Variants in DLC1 observed in about 807,000 individuals in gnomAD.
DLC1 encodes the protein DLC1 Rho GTPase activating protein.
Under a neutral mutation model 140.3 loss-of-function variants are expected in DLC1, and 54 were observed. The observed-to-expected ratio is 0.38, with a 90% CI of 0.31 to 0.48. DLC1 has a LOEUF of 0.48. Among genes scored for constraint, DLC1 ranks in the 20% least tolerant of loss-of-function variants. DLC1 has a pLI of 0.96. For synonymous variants in DLC1, 986 were observed against 728.1 expected (o/e 1.35, Z -5.70); for missense variants, 2,536 against 1,907.0 (o/e 1.33, Z -6.14).
chr8:13,549,579 A>C (rs1803775794), intron 1 of DLC1, among the ~76,000 whole-genome samples: 2 of 152,156 alleles, frequency 1.3e-5, no homozygotes, highest in South Asian at 4.1e-4. Flanking sequence ...TGACACAACG[A>C]ATCCAAAAAA....
intron 5 of DLC1, among the ~76,000 whole-genome samples, chr8:13,218,131 G>T (rs1300641195): frequency 6.6e-6 from 1 of 152,060 alleles, no homozygotes; most frequent in Non-Finnish European, 1.5e-5. Flanking sequence ...AAAATCAATG[G>T]GTGATGGAAA....
At chr8:13,488,847 C>T (rs1192055588) in intron 2 of DLC1, among the ~76,000 whole-genome samples, 1 of 152,180 alleles carries the variant, frequency 6.6e-6, no homozygotes, top group African/African-American at 2.4e-5. Flanking sequence ...CACATATATG[C>T]TTATTCATAT....
At chr8:13,593,145 T>G (rs1326102519) in intron 1 of DLC1, among the ~76,000 whole-genome samples, 1 of 152,110 alleles carries the variant, frequency 6.6e-6, no homozygotes, top group Non-Finnish European at 1.5e-5. Flanking sequence ...GTTGATAATT[T>G]TAATAAGAGC....
intron 5 of DLC1, among the ~76,000 whole-genome samples, chr8:13,199,859 G>C (rs192971637): frequency 6.0e-4 from 91 of 152,178 alleles, no homozygotes; most frequent in Non-Finnish European, 1.0e-3. Flanking sequence ...TATGATGCTT[G>C]GTTTCACGAA....
intron 4 of DLC1, chr8:13,340,209 T>A (rs1833978973): frequency 6.6e-6 from 1 of 152,248 alleles, no homozygotes. Flanking sequence ...TTTTTATTTT[T>A]ATTTTTTTTG....
chr8:13,140,736 T>G (rs936757592), intron 5 of DLC1, among the ~76,000 whole-genome samples: 6 of 152,178 alleles, frequency 3.9e-5, no homozygotes, highest in Non-Finnish European at 8.8e-5. Context: ...TTCTTTTCAA[T>G]TATTAACTAG....
chr8:13,296,968 C>T (rs902808228), intron 5 of DLC1, among the ~76,000 whole-genome samples: 1 of 151,840 alleles, frequency 6.6e-6, no homozygotes, highest in Non-Finnish European at 1.5e-5. Context: ...TCTGGTAATA[C>T]AGTAGATTTG....
intron 5 of DLC1, among the ~76,000 whole-genome samples, chr8:13,150,513 C>T (rs185473666): frequency 1.3e-5 from 2 of 152,226 alleles, no homozygotes; most frequent in East Asian, 1.9e-4. Flanking sequence ...CTGGTACAGA[C>T]AGGGATTGTG....
At chr8:13,319,819 C>CT (rs547737556) in intron 4 of DLC1, among the ~76,000 whole-genome samples, 4,121 of 75,226 alleles carry the variant, frequency 0.055, 429 homozygotes, top group Middle Eastern at 0.13. Flanking sequence ...TTCTCTCTCT[C>CT]TCTTTTTTTT....
chr8:13,121,523 T>A (rs539133899), intron 5 of DLC1, among the ~76,000 whole-genome samples: 7 of 152,298 alleles, frequency 4.6e-5, no homozygotes, highest in Admixed American at 2.0e-4. Context: ...GCCCTGGATG[T>A]AGGCAGGCAT....
intron 5 of DLC1, among the ~76,000 whole-genome samples, chr8:13,232,965 T>C (rs1829116062): frequency 6.6e-6 from 1 of 152,164 alleles, no homozygotes; most frequent in Non-Finnish European, 1.5e-5. Flanking sequence ...AATAATGAAA[T>C]ATTGAACAAA....
intron 5 of DLC1, among the ~76,000 whole-genome samples, chr8:13,141,717 G>A (rs997343090): frequency 6.6e-6 from 1 of 152,200 alleles, no homozygotes; most frequent in African/African-American, 2.4e-5. Flanking sequence ...CACAGCTCCA[G>A]ATCATTAACT....
At chr8:13,250,435 T>G (rs1002498578) in intron 5 of DLC1, among the ~76,000 whole-genome samples, 8 of 152,206 alleles carry the variant, frequency 5.3e-5, no homozygotes, top group African/African-American at 1.7e-4. Flanking sequence ...CCTAGACTGA[T>G]AAAATTTATA....
At chr8:13,407,313 T>A (rs1017244677) in intron 2 of DLC1, among the ~76,000 whole-genome samples, 1 of 152,178 alleles carries the variant, frequency 6.6e-6, no homozygotes, top group Non-Finnish European at 1.5e-5. Flanking sequence ...TCTGTGAGGC[T>A]TAAACAACAG....
At chr8:13,291,007 C>G (rs758334548) in intron 5 of DLC1, among the ~76,000 whole-genome samples, 3 of 152,190 alleles carry the variant, frequency 2.0e-5, no homozygotes, top group Non-Finnish European at 4.4e-5. Flanking sequence ...CTCCCGGGTT[C>G]AAGGATTCTC....
intron 1 of DLC1, among the ~76,000 whole-genome samples, chr8:13,520,510 A>G (rs1283678710): frequency 1.3e-5 from 2 of 152,134 alleles, no homozygotes; most frequent in African/African-American, 4.8e-5. Flanking sequence ...ATTAGGAGAA[A>G]TACCTAACGT....
At position 13,085,696 on chromosome 8, in the gene DLC1, C is replaced by A; in HGVS notation, c.*115G>T. The A allele has an allele frequency of 6.7e-7, 1 of 1,487,930 alleles. No individual in the cohort carries two copies. The allele number at this position is 1,487,930 out of a possible 1,614,324, so 92.2% of individuals were successfully genotyped here. A position where few individuals can be genotyped will look rare whatever the true frequency, so the allele number is the denominator to read the frequency against. ...AATTGCTATAGTCAATTCCTACACTCCAGCTTGTAGTTTTCTTTGTTTCAG... is the reference window on the plus strand; with the variant it reads ...AATTGCTATAGTCAATTCCTACACTACAGCTTGTAGTTTTCTTTGTTTCAG... On this transcript the variant is annotated 3_prime_UTR_variant, in exon 18 of 18. Coordinates refer to ENST00000276297, the MANE Select transcript of DLC1 (RefSeq NM_182643.3).
At chr8:13,529,579 T>G (rs1320077438) in intron 1 of DLC1, among the ~76,000 whole-genome samples, 1 of 152,182 alleles carries the variant, frequency 6.6e-6, no homozygotes, top group African/African-American at 2.4e-5. Context: ...AGGAGAATAC[T>G]TAGAAAATAT....
chr8:13,500,898 G>C (rs1411572440), intron 1 of DLC1, among the ~76,000 whole-genome samples: 3 of 152,126 alleles, frequency 2.0e-5, no homozygotes, highest in African/African-American at 7.2e-5. Context: ...TATTTTTGAA[G>C]CTTAAGGGAA....
Sources: allele counts gnomAD v4.1 joint callset (sites outside exome capture counted in the v4.1 genomes callset), GRCh38; gene constraint gnomAD v4.1.1; transcripts MANE v1.5; gene names NCBI Gene and HGNC (gene_info 2026-07-23, HGNC 2026-07-21).